Variants in SPSB1 observed in about 807,000 individuals in gnomAD.
The protein encoded by SPSB1 is SPRY domain-containing SOCS box protein 1.
Under a neutral mutation model 21.2 loss-of-function variants are expected in SPSB1, and 8 were observed. The observed-to-expected ratio is 0.38, with a 90% confidence interval of 0.22 to 0.68. The LOEUF is 0.68. SPSB1 is among the 30% of genes least tolerant of loss of function. The probability of loss-of-function intolerance (pLI) is 0.53; values close to 1 mark genes in which losing one functional copy is unlikely to be tolerated. For synonymous variants in SPSB1, 169 were observed against 161.7 expected (o/e 1.05, Z -0.34); for missense variants, 242 against 377.8 (o/e 0.64, Z 2.98).
chr1:9,310,568 G>A (rs573706979), intron 1 of SPSB1, among the ~76,000 whole-genome samples: 3 of 152,232 alleles, frequency 2.0e-5, no homozygotes, highest in African/African-American at 7.2e-5. Flanking sequence ...GATGGTGCAT[G>A]CCTGTGATCC....
intron 1 of SPSB1, among the ~76,000 whole-genome samples, chr1:9,294,228 G>T (rs1489111630): frequency 1.3e-5 from 2 of 151,864 alleles, no homozygotes; most frequent in African/African-American, 4.8e-5. Flanking sequence ...GTCTTTGCGT[G>T]TGTGTGTCTT....
intron 1 of SPSB1, chr1:9,339,130 T>C: frequency 1.2e-6 from 1 of 821,006 alleles, no homozygotes; most frequent in Middle Eastern, 6.3e-4. Context: ...CTGGGGACCC[T>C]ACTGCGGGGG....
At chr1:9,354,106 G>C (rs549460972) in intron 1 of SPSB1, among the ~76,000 whole-genome samples, 7 of 152,284 alleles carry the variant, frequency 4.6e-5, no homozygotes, top group African/African-American at 1.4e-4. Context: ...CCAGCTGAGA[G>C]GGAGCTCTAG....
chr1:9,334,788 A>G (rs933954821), intron 1 of SPSB1, among the ~76,000 whole-genome samples: 1 of 152,186 alleles, frequency 6.6e-6, no homozygotes, highest in African/African-American at 2.4e-5. Context: ...TGTAAGTGCA[A>G]TCATATAGTA....
chr1:9,306,690 A>G (rs1351829706), intron 1 of SPSB1, among the ~76,000 whole-genome samples: 1 of 152,118 alleles, frequency 6.6e-6, no homozygotes, highest in Non-Finnish European at 1.5e-5. Flanking sequence ...ACAAAAGAGG[A>G]GCGAGGAAGA....
chr1:9,365,151 C>T (rs1252255263), intron 2 of SPSB1, among the ~76,000 whole-genome samples: 6 of 152,222 alleles, frequency 3.9e-5, no homozygotes, highest in South Asian at 4.1e-4. Context: ...GCCACCACAC[C>T]TGGCCTGTTT....
At chr1:9,313,598 C>T (rs1172522750) in intron 1 of SPSB1, among the ~76,000 whole-genome samples, 1 of 151,878 alleles carries the variant, frequency 6.6e-6, no homozygotes, top group Non-Finnish European at 1.5e-5. Flanking sequence ...GCCCGGGCTG[C>T]TGGGGGAGAA....
chr1:9,309,261 G>GGGGAGAGA (rs1491287377), intron 1 of SPSB1, among the ~76,000 whole-genome samples: 11 of 147,126 alleles, frequency 7.5e-5, no homozygotes, highest in African/African-American at 2.6e-4. Flanking sequence ...GCTCCCCTGC[G>GGGGAGAGA]GAGAGAGAGA....
chr1:9,342,962 G>A (rs928400603), intron 1 of SPSB1, among the ~76,000 whole-genome samples: 6 of 152,312 alleles, frequency 3.9e-5, no homozygotes, highest in Admixed American at 2.6e-4. Flanking sequence ...TAAGTTCTGT[G>A]CCTCTCTCTG....
intron 1 of SPSB1, chr1:9,339,115 C>G: frequency 7.5e-6 from 5 of 664,196 alleles, no homozygotes; most frequent in Non-Finnish European, 9.3e-6. Context: ...CCAGGCAAGG[C>G]AGGCCTGGGG....
At chr1:9,304,452 A>ATC (rs1179977493) in intron 1 of SPSB1, among the ~76,000 whole-genome samples, 4 of 152,158 alleles carry the variant, frequency 2.6e-5, no homozygotes, top group African/African-American at 9.7e-5. Context: ...TAATGCAGTT[A>ATC]TGGTCGCCTT....
intron 1 of SPSB1, among the ~76,000 whole-genome samples, chr1:9,320,932 A>G (rs1308683368): frequency 6.6e-6 from 1 of 150,780 alleles, no homozygotes; most frequent in Non-Finnish European, 1.5e-5. Context: ...TCCCCCTGCC[A>G]GGCTCCAGTG....
rs534908352 is a variant in SPSB1, at chr1:9,346,538, G to A, written c.-149-9205G>A. 2.4e-4 allele frequency among the ~76,000 whole-genome samples: 37 copies of A among 152,336 alleles called. No homozygotes were observed. The highest frequency in any genetic ancestry group is 4.1e-4 in the South Asian group (2 of 4,830). On this transcript the variant is annotated intron_variant, in intron 1 of 2. Transcript: ENST00000328089. This position sits in a 1 kb window ranked among gnomAD's most constrained non-coding sequence, Gnocchi z 4.4. ...CACAAACAGGTAATTTTTAGAGGAA[G>A]CAAGGCTCGGGAACAATTGATCTGA...
At chr1:9,334,409 C>T (rs1014177706) in intron 1 of SPSB1, among the ~76,000 whole-genome samples, 3 of 151,704 alleles carry the variant, frequency 2.0e-5, no homozygotes, top group African/African-American at 7.3e-5. Flanking sequence ...TTAGTAGAGA[C>T]AGGGTTTCGC....
At position 9,324,453 on chromosome 1, in the gene SPSB1, G is replaced by C. The variant is rs541448718; in HGVS notation, c.-149-31290G>C. ...GGTGCCTGGGTGCACATCCCTGGCT[G>C]TCCTCCATGGTGTCTCTCTGTGCCC... is the stretch of plus-strand genomic sequence containing the variant. On this transcript the variant is annotated intron_variant, in intron 1 of 2. Coordinates refer to ENST00000328089, the MANE Select transcript of SPSB1 (RefSeq NM_025106.4). This position sits in a 1 kb window ranked among gnomAD's most constrained non-coding sequence, Gnocchi z 4.3. 6.6e-6 allele frequency among the ~76,000 whole-genome samples: 1 copy of C among 152,214 alleles called. No individual in the cohort carries two copies. The highest frequency in any genetic ancestry group is 1.9e-4 in the East Asian group (1 of 5,170).
intron 1 of SPSB1, among the ~76,000 whole-genome samples, chr1:9,295,223 T>TGAGA (rs1639200163): frequency 1.4e-5 from 2 of 147,334 alleles, no homozygotes; most frequent in Admixed American, 6.7e-5. Context: ...TGTGAGTGTG[T>TGAGA]GTGTGTGTGT....
At chr1:9,366,103 G>C (rs1324641902) in intron 2 of SPSB1, among the ~76,000 whole-genome samples, 1 of 152,262 alleles carries the variant, frequency 6.6e-6, no homozygotes, top group Non-Finnish European at 1.5e-5. Context: ...AGGCAAGGCT[G>C]GGCGCTCTGG....
chr1:9,310,959 C>T (rs1401874398), intron 1 of SPSB1, among the ~76,000 whole-genome samples: 3 of 152,124 alleles, frequency 2.0e-5, no homozygotes, highest in Admixed American at 6.5e-5. Flanking sequence ...AAAAACACTT[C>T]GCCATCTTTG....
rs886310387 is a variant in SPSB1, at chr1:9,346,868, T to G, written c.-149-8875T>G. Among the ~76,000 whole-genome samples, 1 of 152,232 alleles carries G rather than the reference T, an allele frequency of 6.6e-6. No individual in the cohort carries two copies. The highest frequency in any genetic ancestry group is 6.5e-5 in the Admixed American group (1 of 15,286). On this transcript the variant is annotated intron_variant, in intron 1 of 2. Coordinates refer to ENST00000328089, the MANE Select transcript of SPSB1 (RefSeq NM_025106.4). This position sits in a 1 kb window ranked among gnomAD's most constrained non-coding sequence, Gnocchi z 4.4. ...GTTCTCTTCTTGTGTTCTGGGTCAGTAGAGAGAGACAGCCGCCCCATTTTT... is the reference window on the plus strand; with the variant it reads ...GTTCTCTTCTTGTGTTCTGGGTCAGGAGAGAGAGACAGCCGCCCCATTTTT...
Sources: allele counts gnomAD v4.1 joint callset (sites outside exome capture counted in the v4.1 genomes callset), GRCh38; gene constraint gnomAD v4.1.1; non-coding constraint Gnocchi (gnomAD v3.1); transcripts MANE v1.5; gene names NCBI Gene and HGNC (gene_info 2026-07-23, HGNC 2026-07-21).